The following MYOM3 variants were observed in gnomAD, a reference collection of about 807,000 sequenced individuals.
The protein encoded by MYOM3 is myomesin-3.
In MYOM3, 155 loss-of-function variants were observed where a neutral mutation model predicts 191.7. The observed-to-expected ratio is 0.81, with a 90% confidence interval of 0.71 to 0.92. The LOEUF is 0.92. Ranked by LOEUF, MYOM3 falls within the 40% of genes least tolerant of loss-of-function variation. MYOM3 has a pLI of 0.00. For missense variants in MYOM3, 1,889 were observed against 1,890.6 expected (o/e 1.00, Z 0.02); for synonymous variants, 757 against 762.9 (o/e 0.99, Z 0.13).
rs778412588 is a variant in MYOM3, at chr1:24,107,251, T to A, written c.243-19A>T. 6.3e-7 allele frequency: 1 copy of A among 1,583,554 alleles called. No homozygotes were observed. Reference sequence around the variant, plus strand: ...GGCTTCCCTGCCGTGACAGAGGCCATCGGGGCTCAGGCAGGGATGGGGGAT... The same window carrying A: ...GGCTTCCCTGCCGTGACAGAGGCCAACGGGGCTCAGGCAGGGATGGGGGAT... On this transcript the variant is annotated intron_variant, in intron 3 of 36. Coordinates refer to ENST00000374434, the MANE Select transcript of MYOM3 (RefSeq NM_152372.4).
chr1:24,060,939 C>G (rs1260590214), intron 35 of MYOM3, 121 bp downstream of exon 35: 2 of 1,116,660 alleles, frequency 1.8e-6, no homozygotes, highest in African/African-American at 1.6e-5. Flanking sequence ...CTGTAAGACC[C>G]TAGAGCCCCA....
At chr1:24,088,501 G>T (rs1472414677) in intron 14 of MYOM3, among the ~76,000 whole-genome samples, 1 of 152,166 alleles carries the variant, frequency 6.6e-6, no homozygotes, top group Non-Finnish European at 1.5e-5. Context: ...AGCAGAGATA[G>T]AATTTGAACC....
intron 35 of MYOM3, 145 bp from the exon 36 acceptor site, chr1:24,059,124 TA>T (rs1470241041): frequency 4.5e-6 from 3 of 665,856 alleles, no homozygotes; most frequent in Non-Finnish European, 7.8e-6. Flanking sequence ...AAATCTTTTT[TA>T]AATTTTTTTT....
At chr1:24,104,745 C>T (rs755834697) in intron 5 of MYOM3, among the ~76,000 whole-genome samples, 22 of 152,148 alleles carry the variant, frequency 1.4e-4, no homozygotes, top group Non-Finnish European at 2.6e-4. Context: ...GATGGGGTCT[C>T]GCCAGCTGCC....
rs1465850485 is a variant in MYOM3, at chr1:24,086,642, A to G, written c.1798+2T>C. The G allele has an allele frequency of 7.4e-6, 12 of 1,613,034 alleles. No individual in the cohort carries two copies. The highest frequency in any genetic ancestry group is 1.0e-5 in the Non-Finnish European group (12 of 1,179,432). On this transcript the variant is annotated splice_donor_variant, in intron 15 of 36. Coordinates refer to ENST00000374434, the MANE Select transcript of MYOM3 (RefSeq NM_152372.4). LOFTEE classifies it high-confidence loss of function. The stretch of plus-strand genomic sequence containing the variant: ...CCCCGACCCCCGGCATCAGGAGGGT[A>G]CCTGGCGGGCCCCGCAAGGCGATGG...
chr1:24,075,145 C>T (rs908592245), intron 22 of MYOM3, among the ~76,000 whole-genome samples, 174 bp downstream of exon 22: 3 of 152,042 alleles, frequency 2.0e-5, no homozygotes, highest in African/African-American at 4.8e-5. Context: ...CTTAAATGCA[C>T]TCTCCACTCT....
chr1:24,060,992 G>A, intron 35 of MYOM3, 68 bp downstream of exon 35: 1 of 1,584,316 alleles, frequency 6.3e-7, no homozygotes, highest in Non-Finnish European at 8.7e-7. Context: ...CCCACCAAGA[G>A]GGTTGAGCTT....
intron 9 of MYOM3, among the ~76,000 whole-genome samples, chr1:24,094,420 G>C (rs1643867731): frequency 6.6e-6 from 1 of 152,024 alleles, no homozygotes; most frequent in Non-Finnish European, 1.5e-5. Flanking sequence ...ACCCACCTCA[G>C]CCTCCCAGAG....
chr1:24,066,151 T>C (rs1045198299), intron 28 of MYOM3, 150 bp from the exon 29 acceptor site: 1 of 726,476 alleles, frequency 1.4e-6, no homozygotes, highest in Admixed American at 2.0e-5. Flanking sequence ...TTCTTGCTAA[T>C]GGTTTTCCCT....
At chr1:24,092,107 G>T in intron 11 of MYOM3, 67 bp downstream of exon 11, 3 of 1,360,300 alleles carry the variant, frequency 2.2e-6, no homozygotes, top group Non-Finnish European at 1.9e-6. Flanking sequence ...CCTCCTCTTT[G>T]CTGTGGCTCC....
intron 2 of MYOM3, 33 bp from the exon 3 acceptor site, chr1:24,108,106 T>G (rs765671838): frequency 2.2e-5 from 36 of 1,600,818 alleles, no homozygotes; most frequent in Non-Finnish European, 3.0e-5. Context: ...AAATGGCTCT[T>G]GCAGGATTGG....
In MYOM3 at chr1:24,072,010, A is replaced by G. The variant is rs776307056; in HGVS notation, c.2972T>C (p.Leu991Pro). The G allele has an allele frequency of 1.2e-6, 2 of 1,614,042 alleles. No homozygotes were observed. The highest frequency in any genetic ancestry group is 1.7e-6 in the Non-Finnish European group (2 of 1,179,968). ...ATGACTCAGCTTCTTCAGCTTCTCC[A>G]GCTCTGGGATAGGGGGAAGTGAGGA... The part of the protein sequence containing the change: ...SASHTLTEEE[L>P]EKLKKLSHEI... The change falls in exon 24 of 37, where the codon CTG becomes CCG. Residue 991 changes from leucine to proline, a missense_variant. By Grantham distance (98) the Leu-to-Pro change is moderately conservative. Transcript: ENST00000374434.
intron 29 of MYOM3, among the ~76,000 whole-genome samples, chr1:24,065,447 C>T (rs1041222687): frequency 6.6e-6 from 1 of 152,190 alleles, no homozygotes; most frequent in East Asian, 1.9e-4. Flanking sequence ...CCAGATCTGC[C>T]TCACATGGAG....
At chr1:24,086,881 T>G in intron 14 of MYOM3, 54 bp from the exon 15 acceptor site, 2 of 1,545,856 alleles carry the variant, frequency 1.3e-6, no homozygotes, top group Non-Finnish European at 1.8e-6. Flanking sequence ...ACCGGCTCTG[T>G]GCTGGTCACC....
In MYOM3 at chr1:24,089,566, C is replaced by A. The variant is rs1455648629; in HGVS notation, c.1586G>T (p.Arg529Ile). 6.2e-7 allele frequency: 1 copy of A among 1,601,510 alleles called. No individual in the cohort carries two copies. Among genetic ancestry groups the A allele is most frequent in the Non-Finnish European group, 8.5e-7 (1 of 1,174,308 alleles). Reference sequence around the variant, plus strand: ...CTCCAGGGAGTACGTCAGTGGTGCTCTGTCCCGGGGGCTGGGCTCCTCCCA... The same window carrying A: ...CTCCAGGGAGTACGTCAGTGGTGCTATGTCCCGGGGGCTGGGCTCCTCCCA... ...LAWEEPSPRD[R>I]APLTYSLEKS... The change falls in exon 14 of 37, where the codon AGA becomes ATA. Residue 529 changes from arginine (R) to isoleucine (I), a missense_variant. Coordinates refer to ENST00000374434, the MANE Select transcript of MYOM3 (RefSeq NM_152372.4).
At chr1:24,100,657 C>T (rs1248384143) in intron 5 of MYOM3, among the ~76,000 whole-genome samples, 1 of 152,198 alleles carries the variant, frequency 6.6e-6, no homozygotes, top group African/African-American at 2.4e-5. Context: ...GAGGCTGAGG[C>T]GGGCGGATCA....
chr1:24,063,278 T>TA lies in MYOM3; in HGVS notation c.3662-45dup. ...AGGATGAATCTTCCCTGAGGCCATT[T>TA]AGGCATCAGATTTTGGGGCCGGCTT... On this transcript the variant is annotated intron_variant, in intron 31 of 36. Transcript: ENST00000374434. This position sits in a 1 kb window ranked among gnomAD's most constrained non-coding sequence, Gnocchi z 4.5. 1 of 1,542,874 alleles carries TA rather than the reference T, an allele frequency of 6.5e-7. No homozygotes were observed. Among genetic ancestry groups the TA allele is most frequent in the Non-Finnish European group, 9.0e-7 (1 of 1,116,196 alleles).
rs773644067 is a variant in MYOM3 at position 24,081,981 on chromosome 1, G to A, written c.2280+20C>T. On this transcript the variant is annotated intron_variant, in intron 18 of 36. Transcript: ENST00000374434. Reference sequence around the variant, plus strand: ...GCTAAACAAGTCATGACACAGGCTGGGGCCACCTTCCAGCCCTACCTTGCA... The same window carrying A: ...GCTAAACAAGTCATGACACAGGCTGAGGCCACCTTCCAGCCCTACCTTGCA... 20 of 1,597,258 alleles carry A rather than the reference G, an allele frequency of 1.3e-5. No homozygotes were observed.
chr1:24,107,907 G>A (rs938339517), intron 3 of MYOM3, 86 bp downstream of exon 3: 6 of 1,175,854 alleles, frequency 5.1e-6, no homozygotes, highest in African/African-American at 1.5e-5. Flanking sequence ...CTTTACACTC[G>A]GGGTGAAAGG....
Sources: allele counts gnomAD v4.1 joint callset (sites outside exome capture counted in the v4.1 genomes callset), GRCh38; gene constraint gnomAD v4.1.1; non-coding constraint Gnocchi (gnomAD v3.1); transcripts MANE v1.5; gene names NCBI Gene and HGNC (gene_info 2026-07-23, HGNC 2026-07-21).